The following TNFRSF11B variants were observed in gnomAD, a reference collection of about 807,000 sequenced individuals.
The protein encoded by TNFRSF11B is TNF receptor superfamily member 11b, also known as tumor necrosis factor receptor superfamily member 11B.
A neutral mutation model predicts 43.4 loss-of-function variants in TNFRSF11B; 16 were observed. That is an observed-to-expected ratio of 0.37 (90% CI 0.25 to 0.56). The LOEUF is 0.56. Ranked by LOEUF, TNFRSF11B falls within the 20% of genes least tolerant of loss-of-function variation. The pLI is 0.80. For synonymous variants in TNFRSF11B, 185 were observed against 181.8 expected, an observed-to-expected ratio of 1.02 and a Z score of -0.14; for missense variants, 444 against 490.1, an observed-to-expected ratio of 0.91 and a Z score of 0.89.
At chr8:118,939,372 C>A (rs1383084744) in intron 1 of TNFRSF11B, among the ~76,000 whole-genome samples, 1 of 152,022 alleles carries the variant, frequency 6.6e-6, no homozygotes, top group South Asian at 2.1e-4. Flanking sequence ...ATCCAAAAAC[C>A]CATTCTGATT....
At chr8:118,933,408 T>G (rs1812356371) in intron 1 of TNFRSF11B, 108 bp from the exon 2 acceptor site, 1 of 1,536,118 alleles carries the variant, frequency 6.5e-7, no homozygotes, top group African/African-American at 1.4e-5. Flanking sequence ...TTAAGCCTAA[T>G]GAGATTTGCC....
At chr8:118,943,681 A>G (rs1184912004) in intron 1 of TNFRSF11B, among the ~76,000 whole-genome samples, 1 of 152,140 alleles carries the variant, frequency 6.6e-6, no homozygotes, top group African/African-American at 2.4e-5. Context: ...GTAAGGTCCA[A>G]ATACAGTACC....
chr8:118,927,902 T>C (rs905706185), intron 3 of TNFRSF11B, among the ~76,000 whole-genome samples: 2 of 152,166 alleles, frequency 1.3e-5, no homozygotes, highest in Non-Finnish European at 2.9e-5. Context: ...CTGAACTTAA[T>C]ACTAGTGACC....
chr8:118,925,389 C>T (rs1374502611), intron 4 of TNFRSF11B, among the ~76,000 whole-genome samples: 2 of 152,170 alleles, frequency 1.3e-5, no homozygotes, highest in Admixed American at 6.5e-5. Flanking sequence ...TAAGGCAAAT[C>T]GGTTCATCTT....
At chr8:118,928,513 A>G (rs1812278159) in intron 3 of TNFRSF11B, among the ~76,000 whole-genome samples, 1 of 152,218 alleles carries the variant, frequency 6.6e-6, no homozygotes, top group East Asian at 1.9e-4. Context: ...GTGTGAAAGG[A>G]GAGAAAATCA....
At chr8:118,939,290 G>A (rs543451737) in intron 1 of TNFRSF11B, among the ~76,000 whole-genome samples, 26 of 152,130 alleles carry the variant, frequency 1.7e-4, no homozygotes, top group African/African-American at 6.3e-4. Flanking sequence ...CATTCAACAA[G>A]CACTTATTGA....
intron 1 of TNFRSF11B, among the ~76,000 whole-genome samples, chr8:118,939,520 C>T (rs903750075): frequency 6.6e-5 from 10 of 152,006 alleles, no homozygotes; most frequent in African/African-American, 9.7e-5. Context: ...ATAGGTATGA[C>T]GTGTTGGCTG....
At chr8:118,931,562 CAACTT>C (rs1404048642) in intron 2 of TNFRSF11B, among the ~76,000 whole-genome samples, 1 of 152,154 alleles carries the variant, frequency 6.6e-6, no homozygotes, top group African/African-American at 2.4e-5. Flanking sequence ...GACACACACA[CAACTT>C]AGCTTAGCTT....
chr8:118,935,617 G>A (rs1812395479), intron 1 of TNFRSF11B, among the ~76,000 whole-genome samples: 1 of 152,022 alleles, frequency 6.6e-6, no homozygotes, highest in South Asian at 2.1e-4. Flanking sequence ...AATTATATAT[G>A]ATACATAATT....
At chr8:118,931,371 C>CT (rs1257333971) in intron 2 of TNFRSF11B, among the ~76,000 whole-genome samples, 4 of 152,160 alleles carry the variant, frequency 2.6e-5, no homozygotes, top group African/African-American at 9.7e-5. Flanking sequence ...TGCCTGCTTG[C>CT]TTCATTCTAC....
chr8:118,928,997 A>G (rs1812288596), intron 2 of TNFRSF11B, 68 bp from the exon 3 acceptor site: 1 of 1,451,068 alleles, frequency 6.9e-7, no homozygotes. Flanking sequence ...CCCTCTTAAC[A>G]CAGTTTTGGA....
chr8:118,950,875 T>C (rs1247261925), intron 1 of TNFRSF11B, among the ~76,000 whole-genome samples: 1 of 152,188 alleles, frequency 6.6e-6, no homozygotes, highest in Non-Finnish European at 1.5e-5. Context: ...AGTTCAAACA[T>C]TTACTCAAAC....
intron 1 of TNFRSF11B, among the ~76,000 whole-genome samples, chr8:118,943,025 C>G (rs770481892): frequency 6.6e-6 from 1 of 152,086 alleles, no homozygotes. Flanking sequence ...AAATGCTTCT[C>G]CCTTCCTCTC....
intron 1 of TNFRSF11B, among the ~76,000 whole-genome samples, chr8:118,940,619 T>C (rs1812473278): frequency 6.6e-6 from 1 of 152,140 alleles, no homozygotes; most frequent in Non-Finnish European, 1.5e-5. Flanking sequence ...TTACACAAAG[T>C]AATTATACAG....
intron 3 of TNFRSF11B, 141 bp downstream of exon 3, chr8:118,928,597 G>T: frequency 2.2e-6 from 2 of 896,140 alleles, no homozygotes; most frequent in Non-Finnish European, 3.6e-6. Context: ...GTAATGCATC[G>T]AGAGTAGCCT....
intron 1 of TNFRSF11B, among the ~76,000 whole-genome samples, chr8:118,939,972 C>T (rs574666786): frequency 3.1e-4 from 47 of 152,238 alleles, no homozygotes; most frequent in African/African-American, 1.1e-3. Context: ...GTGCTAAGTG[C>T]ATATACACTA....
At chr8:118,932,238 A>G (rs1309475088) in intron 2 of TNFRSF11B, among the ~76,000 whole-genome samples, 1 of 152,240 alleles carries the variant, frequency 6.6e-6, no homozygotes, top group East Asian at 1.9e-4. Context: ...AAAAGATTCA[A>G]TACACATGAG....
intron 2 of TNFRSF11B, among the ~76,000 whole-genome samples, chr8:118,929,617 G>A (rs537638087): frequency 6.6e-6 from 1 of 152,294 alleles, no homozygotes; most frequent in African/African-American, 2.4e-5. Flanking sequence ...TGACTGCAAG[G>A]GCATTTTACT....
Position 118,926,715 on chromosome 8 carries a change from A to G in TNFRSF11B, c.596T>C (p.Val199Ala), listed in dbSNP as rs1586953376. 1.2e-6 allele frequency: 2 copies of G among 1,613,274 alleles called. No homozygotes were observed. The highest frequency in any genetic ancestry group is 1.7e-6 in the Non-Finnish European group (2 of 1,179,488). The change falls in exon 4 of 5, where the codon GTT becomes GCT. Residue 199 changes from valine to alanine, a missense_variant. By Grantham distance (64) the Val-to-Ala change is moderately conservative (BLOSUM62 0). Transcript: ENST00000297350. Reference protein sequence around the residue: ...SESTQKCGIDVTLCEEAFFRF... With the variant: ...SESTQKCGIDATLCEEAFFRF... Reference sequence around the variant, plus strand: ...GAAGAATGCCTCCTCACACAGGGTAACATCTAAAGAAAGGTTAGAAAACCC... The same window carrying G: ...GAAGAATGCCTCCTCACACAGGGTAGCATCTAAAGAAAGGTTAGAAAACCC...
Sources: allele counts gnomAD v4.1 joint callset (sites outside exome capture counted in the v4.1 genomes callset), GRCh38; gene constraint gnomAD v4.1.1; transcripts MANE v1.5; gene names NCBI Gene and HGNC (gene_info 2026-07-23, HGNC 2026-07-21).